MSRA: variants seen among roughly 807,000 people sequenced by gnomAD.
The protein encoded by MSRA is methionine sulfoxide reductase A, also known as mitochondrial peptide methionine sulfoxide reductase.
Under a neutral mutation model 31.3 loss-of-function variants are expected in MSRA, and 54 were observed. The ratio of observed to expected loss-of-function variants is 1.73; its 90% CI spans 1.39 to 2.17. MSRA has a LOEUF of 2.17. Among genes scored for constraint, MSRA ranks in the 30% most tolerant of loss-of-function variants. The pLI is 0.00. For synonymous variants in MSRA, 169 were observed against 116.5 expected (o/e 1.45, Z -2.90); for missense variants, 507 against 300.9 (o/e 1.69, Z -5.07).
chr8:10,121,013 G>A (rs6986911), intron 1 of MSRA, among the ~76,000 whole-genome samples: 76,508 of 152,086 alleles, frequency 0.5, 20,249 homozygotes, highest in East Asian at 0.95. Flanking sequence ...TTTCGTTTGC[G>A]TTAAAATTAA....
intron 1 of MSRA, among the ~76,000 whole-genome samples, chr8:10,056,604 A>T (rs965817864): frequency 6.6e-6 from 1 of 151,496 alleles, no homozygotes; most frequent in Non-Finnish European, 1.5e-5. Context: ...CTTTTTCCAC[A>T]AAAAGTGTGT....
chr8:10,421,977 G>A (rs1258700724), intron 5 of MSRA, among the ~76,000 whole-genome samples: 1 of 152,210 alleles, frequency 6.6e-6, no homozygotes, highest in East Asian at 1.9e-4. Flanking sequence ...CCAGTACTCT[G>A]CAGTAGTTAA....
chr8:10,231,460 C>T (rs1811466536), intron 2 of MSRA, among the ~76,000 whole-genome samples: 1 of 152,102 alleles, frequency 6.6e-6, no homozygotes, highest in Admixed American at 6.5e-5. Flanking sequence ...GTCAGGGAGC[C>T]CCCCAGGTGG....
intron 2 of MSRA, among the ~76,000 whole-genome samples, chr8:10,209,635 T>G (rs2129060895): frequency 6.6e-6 from 1 of 152,360 alleles, no homozygotes; most frequent in Admixed American, 6.5e-5. Context: ...CCTCATTGTT[T>G]CACTTTCAGC....
At chr8:10,292,943 A>G (rs1444458812) in intron 3 of MSRA, among the ~76,000 whole-genome samples, 1 of 152,164 alleles carries the variant, frequency 6.6e-6, no homozygotes, top group Non-Finnish European at 1.5e-5. Flanking sequence ...TGGCCAGCCA[A>G]GGGCTCCTGT....
At chr8:10,104,173 C>T (rs1799720860) in intron 1 of MSRA, among the ~76,000 whole-genome samples, 1 of 152,200 alleles carries the variant, frequency 6.6e-6, no homozygotes, top group Non-Finnish European at 1.5e-5. Flanking sequence ...CCCTCCTACA[C>T]ATCTGGGTGA....
intron 3 of MSRA, among the ~76,000 whole-genome samples, chr8:10,294,235 A>G (rs1800407282): frequency 6.6e-6 from 1 of 152,166 alleles, no homozygotes; most frequent in African/African-American, 2.4e-5. Flanking sequence ...TTTAAAAAGA[A>G]TCATTTTGGG....
At chr8:10,141,835 G>C (rs891474015) in intron 1 of MSRA, among the ~76,000 whole-genome samples, 1 of 152,102 alleles carries the variant, frequency 6.6e-6, no homozygotes, top group Non-Finnish European at 1.5e-5. Context: ...GTGAAAATGG[G>C]GTTCTAGGAT....
intron 1 of MSRA, among the ~76,000 whole-genome samples, chr8:10,113,963 C>T (rs116375891): frequency 2.8e-3 from 431 of 152,252 alleles, no homozygotes; most frequent in African/African-American, 9.9e-3. Flanking sequence ...ACTCACTCCT[C>T]ATTCTCCTCT....
At chr8:10,252,271 G>A (rs756613180) in intron 3 of MSRA, among the ~76,000 whole-genome samples, 1 of 152,284 alleles carries the variant, frequency 6.6e-6, no homozygotes, top group East Asian at 1.9e-4. Flanking sequence ...AAAGAAGTTC[G>A]AATCGTACAC....
chr8:10,119,550 A>C (rs1340765189), intron 1 of MSRA, among the ~76,000 whole-genome samples: 2 of 152,224 alleles, frequency 1.3e-5, no homozygotes, highest in African/African-American at 4.8e-5. Flanking sequence ...GCTGATCAGC[A>C]CTTGGGTTAC....
chr8:10,410,940 A>T (rs1320752006), intron 5 of MSRA, among the ~76,000 whole-genome samples: 1 of 152,072 alleles, frequency 6.6e-6, no homozygotes, highest in Admixed American at 6.5e-5. Flanking sequence ...AAGAACACCT[A>T]TGGCCTATTT....
chr8:10,279,314 G>C (rs142863306), intron 3 of MSRA, among the ~76,000 whole-genome samples: 155 of 152,230 alleles, frequency 1.0e-3, no homozygotes, highest in African/African-American at 3.7e-3. Context: ...ATATGTAATG[G>C]GTGAAAATAG....
At chr8:10,213,432 CTTTTTTTTTTTTT>C (rs1198665886) in intron 2 of MSRA, among the ~76,000 whole-genome samples, 6 of 76,752 alleles carry the variant, frequency 7.8e-5, no homozygotes, top group South Asian at 1.1e-3. Flanking sequence ...ACCACACTTT[CTTTTTTTTTTTTT>C]TTTTTTTTTT....
chr8:10,387,336 C>T (rs1211736311), intron 5 of MSRA, among the ~76,000 whole-genome samples: 1 of 152,114 alleles, frequency 6.6e-6, no homozygotes, highest in Non-Finnish European at 1.5e-5. Flanking sequence ...TTTTTTCCCC[C>T]TTGAAGGTTT....
At chr8:10,337,893 T>C in intron 5 of MSRA, 1 of 685,770 alleles carries the variant, frequency 1.5e-6, no homozygotes, top group Non-Finnish European at 2.7e-6. Flanking sequence ...ACATTCTTTG[T>C]TATGACAGCA....
intron 5 of MSRA, among the ~76,000 whole-genome samples, chr8:10,323,292 A>G (rs1802162434): frequency 6.6e-6 from 1 of 152,152 alleles, no homozygotes; most frequent in Non-Finnish European, 1.5e-5. Flanking sequence ...ATTTATAACT[A>G]CTACTAAAAG....
chr8:10,337,634 G>A (rs1390793696), intron 5 of MSRA: 1 of 683,148 alleles, frequency 1.5e-6, no homozygotes, highest in African/African-American at 1.8e-5. Flanking sequence ...ATTGGATATT[G>A]TCACATTTTC....
intron 1 of MSRA, among the ~76,000 whole-genome samples, chr8:10,121,073 C>T (rs1801071820): frequency 6.6e-6 from 1 of 152,132 alleles, no homozygotes; most frequent in South Asian, 2.1e-4. Flanking sequence ...TAAAAAATGC[C>T]ATTTGAAATG....
Sources: allele counts gnomAD v4.1 joint callset (sites outside exome capture counted in the v4.1 genomes callset), GRCh38; gene constraint gnomAD v4.1.1; transcripts MANE v1.5; gene names NCBI Gene and HGNC (gene_info 2026-07-23, HGNC 2026-07-21).